RANBP17: variants seen among roughly 807,000 people sequenced by gnomAD.
RANBP17 encodes the protein ran-binding protein 17.
Under a neutral mutation model 141.2 loss-of-function variants are expected in RANBP17, and 158 were observed. The ratio of observed to expected loss-of-function variants is 1.12; its 90% confidence interval spans 0.98 to 1.28. The LOEUF (loss-of-function observed/expected upper bound fraction) is 1.28, where lower values mean the gene tolerates loss of function less well. Ranked by LOEUF, RANBP17 falls within the 50% of genes most tolerant of loss-of-function variation. The pLI, the probability that RANBP17 is intolerant of heterozygous loss-of-function variation, is 0.00. For missense variants in RANBP17, 1,438 were observed against 1,290.7 expected, an observed-to-expected ratio of 1.11 and a Z score of -1.75; for synonymous variants, 430 against 450.0, an observed-to-expected ratio of 0.96 and a Z score of 0.56.
chr5:171,265,239 T>C (rs1766593250), intron 24 of RANBP17, among the ~76,000 whole-genome samples: 1 of 152,196 alleles, frequency 6.6e-6, no homozygotes. Context: ...AAGAGTTATA[T>C]AAGACAAATT....
chr5:171,116,699 GTATAA>G (rs951635314), intron 14 of RANBP17, among the ~76,000 whole-genome samples: 7 of 151,978 alleles, frequency 4.6e-5, no homozygotes, highest in East Asian at 1.9e-4. Flanking sequence ...ATTTAAAATT[GTATAA>G]TATATTATTG....
At chr5:171,130,459 G>A (rs1462894779) in intron 14 of RANBP17, among the ~76,000 whole-genome samples, 3 of 92,204 alleles carry the variant, frequency 3.3e-5, no homozygotes, top group African/African-American at 1.3e-4. Flanking sequence ...TTTTTGAGAC[G>A]GAGTTTCGCT....
At chr5:171,067,047 T>C (rs1368966730) in intron 14 of RANBP17, among the ~76,000 whole-genome samples, 1 of 152,292 alleles carries the variant, frequency 6.6e-6, no homozygotes, top group East Asian at 1.9e-4. Flanking sequence ...AACCACTTAG[T>C]TGTGCTATTT....
intron 14 of RANBP17, among the ~76,000 whole-genome samples, chr5:170,973,385 A>G (rs957330667): frequency 7.2e-5 from 11 of 152,160 alleles, no homozygotes; most frequent in Admixed American, 2.0e-4. Flanking sequence ...ACTATGATTT[A>G]GGGATAGGGA....
At chr5:171,082,912 T>C (rs1785349034) in intron 14 of RANBP17, among the ~76,000 whole-genome samples, 1 of 151,520 alleles carries the variant, frequency 6.6e-6, no homozygotes, top group Non-Finnish European at 1.5e-5. Context: ...ACAGCTGAAT[T>C]TATTTACTTC....
chr5:171,063,904 T>A (rs1336435576), intron 14 of RANBP17, among the ~76,000 whole-genome samples: 1 of 152,210 alleles, frequency 6.6e-6, no homozygotes, highest in Non-Finnish European at 1.5e-5. Flanking sequence ...TGCCTTGCAG[T>A]TTGATCTCAG....
At chr5:171,194,343 TG>T (rs968949717) in intron 18 of RANBP17, among the ~76,000 whole-genome samples, 13 of 152,168 alleles carry the variant, frequency 8.5e-5, no homozygotes, top group Admixed American at 7.2e-4. Flanking sequence ...TCAAAAACCC[TG>T]TACCATTAAG....
At chr5:170,878,603 GGATGATTCGAAA>G (rs1561848588) in intron 2 of RANBP17, among the ~76,000 whole-genome samples, 1 of 152,098 alleles carries the variant, frequency 6.6e-6, no homozygotes, top group Non-Finnish European at 1.5e-5. Context: ...AAACATGAAA[GGATGATTCGAAA>G]GCATGCTGAT....
chr5:171,074,436 AC>A (rs1302176602), intron 14 of RANBP17, among the ~76,000 whole-genome samples: 1 of 152,168 alleles, frequency 6.6e-6, no homozygotes, highest in Admixed American at 6.5e-5. Flanking sequence ...TAGTGGGAAA[AC>A]TGGTGAAATA....
At chr5:170,863,699 T>C (rs985290040) in intron 1 of RANBP17, 2 of 152,154 alleles carry the variant, frequency 1.3e-5, no homozygotes, top group African/African-American at 2.4e-5. Flanking sequence ...TGGTGGAACT[T>C]TGGAATTTTT....
At chr5:170,922,472 C>G (rs990749734) in intron 11 of RANBP17, among the ~76,000 whole-genome samples, 1 of 152,012 alleles carries the variant, frequency 6.6e-6, no homozygotes, top group African/African-American at 2.4e-5. Context: ...GCGGTGGGCT[C>G]TGCCCAGTCT....
chr5:171,058,374 A>G (rs1456615465), intron 14 of RANBP17, among the ~76,000 whole-genome samples: 3 of 131,154 alleles, frequency 2.3e-5, no homozygotes, highest in Admixed American at 1.9e-4. Context: ...ATGTGTTCTC[A>G]TTGTTCAATT....
chr5:171,007,080 G>T (rs1779685445), intron 14 of RANBP17, among the ~76,000 whole-genome samples: 1 of 152,104 alleles, frequency 6.6e-6, no homozygotes, highest in South Asian at 2.1e-4. Flanking sequence ...AGAGAAAAAA[G>T]TCTTTCCCGT....
At position 170,974,151 on chromosome 5, in the gene RANBP17, A is replaced by C. The variant is rs1777196477; in HGVS notation, c.1710+5774A>C. Among the ~76,000 whole-genome samples, 5 of 152,322 alleles carry C rather than the reference A, an allele frequency of 3.3e-5. No individual in the cohort carries two copies. The South Asian group carries it at 1.0e-3, about 32-fold the overall frequency. ...GTCTGAAGCCTAGAGTCTCATGTAAATATCATCTAAATGAGATGTGGTTGA... is the reference window on the plus strand; with the variant it reads ...GTCTGAAGCCTAGAGTCTCATGTAACTATCATCTAAATGAGATGTGGTTGA... On this transcript the variant is annotated intron_variant, in intron 14 of 27. Transcript: ENST00000523189.
At chr5:170,862,659 G>A (rs1443271951) in intron 1 of RANBP17, among the ~76,000 whole-genome samples, 1 of 151,972 alleles carries the variant, frequency 6.6e-6, no homozygotes, top group Non-Finnish European at 1.5e-5. Context: ...GGAAACCCGG[G>A]CCGGGCGCGG....
At chr5:170,885,088 C>G (rs1295211147) in intron 3 of RANBP17, among the ~76,000 whole-genome samples, 2 of 151,978 alleles carry the variant, frequency 1.3e-5, no homozygotes, top group African/African-American at 4.8e-5. Context: ...TCCTTAAAGG[C>G]TTTTTAGTAG....
At chr5:171,215,960 T>C (rs1763188935) in intron 21 of RANBP17, among the ~76,000 whole-genome samples, 1 of 152,188 alleles carries the variant, frequency 6.6e-6, no homozygotes, top group South Asian at 2.1e-4. Context: ...TTTTGGTGTT[T>C]TCATCATGAA....
Position 171,295,996 on chromosome 5 carries a change from C to G in RANBP17, c.3152C>G (p.Ser1051Cys). 1.2e-6 allele frequency: 2 copies of G among 1,613,622 alleles called. No individual in the cohort carries two copies. Among genetic ancestry groups the G allele is most frequent in the South Asian group, 1.1e-5 (1 of 91,028 alleles). ...ATGGAAGGAGTGGAGCAGAACCTGT[C>G]CGTCAAGAACAGAGACAGGTGAGCA... ...NLMEGVEQNL[S>C]VKNRDRFTQN... Residue 1051 changes from serine to cysteine, a missense_variant, in exon 27 of 28, where the codon TCC (serine) becomes TGC (cysteine). Transcript: ENST00000523189.
intron 14 of RANBP17, among the ~76,000 whole-genome samples, chr5:171,149,760 T>C (rs1350490669): frequency 2.0e-5 from 3 of 152,258 alleles, no homozygotes; most frequent in Admixed American, 1.3e-4. Context: ...AATAATTCTC[T>C]TAAATCTATG....
Sources: allele counts gnomAD v4.1 joint callset (sites outside exome capture counted in the v4.1 genomes callset), GRCh38; gene constraint gnomAD v4.1.1; transcripts MANE v1.5; gene names NCBI Gene and HGNC (gene_info 2026-07-23, HGNC 2026-07-21).